GTF2B: variants seen among roughly 807,000 people sequenced by gnomAD.
GTF2B encodes transcription initiation factor IIB.
In GTF2B, 20 loss-of-function variants were observed where a neutral mutation model predicts 34.6. The ratio of observed to expected loss-of-function variants is 0.58; its 90% confidence interval spans 0.41 to 0.84. The LOEUF (loss-of-function observed/expected upper bound fraction) is 0.84. Among genes scored for constraint, GTF2B ranks in the 40% least tolerant of loss-of-function variants. The pLI is 0.00. For synonymous variants in GTF2B, 142 were observed against 132.4 expected (o/e 1.07, Z -0.50); for missense variants, 237 against 393.3 (o/e 0.60, Z 3.36).
chr1:88,866,790 G>A (rs1392361222), intron 2 of GTF2B, among the ~76,000 whole-genome samples: 2 of 152,206 alleles, frequency 1.3e-5, no homozygotes, highest in Non-Finnish European at 2.9e-5. Flanking sequence ...ATTACAAAGG[G>A]ATTGAGATTA....
At chr1:88,890,406 C>G (rs555963394) in intron 1 of GTF2B, among the ~76,000 whole-genome samples, 1 of 152,304 alleles carries the variant, frequency 6.6e-6, no homozygotes, top group Non-Finnish European at 1.5e-5. Flanking sequence ...AAATGTAAGT[C>G]TTGGCAGTTA....
chr1:88,886,604 G>A (rs973859828), intron 2 of GTF2B, among the ~76,000 whole-genome samples: 1 of 152,164 alleles, frequency 6.6e-6, no homozygotes, highest in Admixed American at 6.5e-5. Context: ...AGCCACAAAA[G>A]TTTGATTACA....
chr1:88,863,714 C>T (rs928339043), intron 3 of GTF2B, among the ~76,000 whole-genome samples: 1 of 152,136 alleles, frequency 6.6e-6, no homozygotes, highest in Non-Finnish European at 1.5e-5. Context: ...GGCCACACTA[C>T]ACTCATTTTT....
intron 1 of GTF2B, 109 bp from the exon 2 acceptor site, chr1:88,887,476 T>C (rs1479284672): frequency 8.2e-6 from 6 of 731,318 alleles, no homozygotes; most frequent in Non-Finnish European, 7.4e-6. Flanking sequence ...TTTTCATACA[T>C]ACAACTGTAA....
At position 88,859,979 on chromosome 1, in the gene GTF2B, A is replaced by G; in HGVS notation, c.438T>C (p.Tyr146=). The G allele has an allele frequency of 1.2e-6, 2 of 1,613,714 alleles. No homozygotes were observed. The highest frequency in any genetic ancestry group is 1.1e-5 in the South Asian group (1 of 91,078). Residue 146 remains tyrosine (Y), a synonymous_variant, in exon 5 of 7, where the codon TAT becomes TAC. Coordinates refer to ENST00000370500, the MANE Select transcript of GTF2B (RefSeq NM_001514.6). ...DRTNNLFKQV[Y]EQKSLKGRAN... ...CTCTTCCCTTCAGGCTCTTCTGTTC[A>G]TATACTTGCTTGAATAAATTATTTG...
intron 2 of GTF2B, among the ~76,000 whole-genome samples, chr1:88,880,689 A>C (rs2100977533): frequency 6.6e-6 from 1 of 152,256 alleles, no homozygotes; most frequent in South Asian, 2.1e-4. Context: ...TGGATAAGTT[A>C]ATGTACCTGA....
In GTF2B at chr1:88,887,327, CTGGA is replaced by C; in HGVS notation, c.54_57del (p.His18GlnfsTer5). The C allele has an allele frequency of 6.2e-7, 1 of 1,612,940 alleles. No homozygotes were observed. Among genetic ancestry groups the C allele is most frequent in the Non-Finnish European group, 8.5e-7 (1 of 1,178,968 alleles). ...CTGTAGTCCTCCACTAAAATCGCATCTGGATGGTTTGGACATGTGACTCTTGGAA... is the reference window on the plus strand; with the variant it reads ...CTGTAGTCCTCCACTAAAATCGCATCTGGTTTGGACATGTGACTCTTGGAA... On this transcript the variant is annotated frameshift_variant, in exon 2 of 7. Transcript: ENST00000370500. LOFTEE classifies it high-confidence loss of function.
chr1:88,859,326 CT>C (rs1673386413), intron 5 of GTF2B, among the ~76,000 whole-genome samples: 1 of 152,162 alleles, frequency 6.6e-6, no homozygotes, highest in South Asian at 2.1e-4. Context: ...AAAGATCTCA[CT>C]AGAAAAGAAC....
chr1:88,863,937 T>C, intron 3 of GTF2B, 44 bp downstream of exon 3: 2 of 1,593,322 alleles, frequency 1.3e-6, no homozygotes, highest in African/African-American at 1.3e-5. Flanking sequence ...CTCAGGTCTA[T>C]GGTCACTCTG....
chr1:88,876,549 G>GT (rs1387082594), intron 2 of GTF2B, among the ~76,000 whole-genome samples: 1 of 152,048 alleles, frequency 6.6e-6, no homozygotes, highest in Non-Finnish European at 1.5e-5. Flanking sequence ...GAGGGTGGTG[G>GT]TTTGAGCCCG....
intron 2 of GTF2B, among the ~76,000 whole-genome samples, chr1:88,872,384 G>A (rs1320407613): frequency 7.3e-6 from 1 of 137,248 alleles, no homozygotes; most frequent in African/African-American, 2.6e-5. Context: ...CCTGGGAGGT[G>A]CAGATTGCAG....
At chr1:88,881,914 T>C (rs1019285845) in intron 2 of GTF2B, among the ~76,000 whole-genome samples, 1 of 152,166 alleles carries the variant, frequency 6.6e-6, no homozygotes, top group Non-Finnish European at 1.5e-5. Context: ...GTCTTGTGAA[T>C]TGTATCTTCC....
At chr1:88,857,691 C>CTTTTT (rs368010048) in intron 5 of GTF2B, among the ~76,000 whole-genome samples, 2 of 108,152 alleles carry the variant, frequency 1.8e-5, no homozygotes, top group African/African-American at 3.6e-5. Flanking sequence ...TTCATCACAC[C>CTTTTT]TTTTTTTTTG....
At chr1:88,883,178 T>C (rs1673986283) in intron 2 of GTF2B, among the ~76,000 whole-genome samples, 1 of 152,238 alleles carries the variant, frequency 6.6e-6, no homozygotes, top group African/African-American at 2.4e-5. Flanking sequence ...CTTGTAACTC[T>C]ATGATGAATT....
intron 2 of GTF2B, among the ~76,000 whole-genome samples, chr1:88,880,304 T>A (rs1341643956): frequency 1.3e-5 from 2 of 152,152 alleles, no homozygotes; most frequent in African/African-American, 4.8e-5. Flanking sequence ...ATGTTGTCCC[T>A]TAGTGGGTTG....
chr1:88,856,517 T>C (rs1191106086), intron 6 of GTF2B, among the ~76,000 whole-genome samples: 1 of 151,976 alleles, frequency 6.6e-6, no homozygotes, highest in South Asian at 2.1e-4. Flanking sequence ...ATCTGTAGAA[T>C]CCCATGCCAA....
At chr1:88,868,880 C>A (rs1360031032) in intron 2 of GTF2B, among the ~76,000 whole-genome samples, 1 of 152,088 alleles carries the variant, frequency 6.6e-6, no homozygotes, top group Admixed American at 6.6e-5. Context: ...GGACTACAGG[C>A]GCCCACCACA....
chr1:88,862,225 G>A (rs1673454999), intron 3 of GTF2B, among the ~76,000 whole-genome samples: 1 of 152,182 alleles, frequency 6.6e-6, no homozygotes, highest in Non-Finnish European at 1.5e-5. Flanking sequence ...AATTTATTAT[G>A]TGATAAATCT....
chr1:88,887,101 T>C (rs975392598), intron 2 of GTF2B, among the ~76,000 whole-genome samples, 160 bp downstream of exon 2: 14 of 152,000 alleles, frequency 9.2e-5, no homozygotes, highest in Admixed American at 2.6e-4. Context: ...GTATTTTCAG[T>C]AGAGATGGGG....
Sources: gnomAD v4.1 joint callset for allele counts (sites outside exome capture counted in the v4.1 genomes callset) on GRCh38, gnomAD v4.1.1 for gene constraint, MANE v1.5 for transcripts, NCBI Gene and HGNC (gene_info 2026-07-23, HGNC 2026-07-21) for gene names.